Variants in PARN observed in about 807,000 individuals in gnomAD.
PARN encodes poly(A)-specific ribonuclease, also known as poly(A)-specific ribonuclease PARN.
A neutral mutation model predicts 102.8 loss-of-function variants in PARN; 71 were observed. The observed-to-expected ratio is 0.69, with a 90% CI of 0.57 to 0.84. The LOEUF is 0.84. Ranked by LOEUF, PARN falls within the 40% of genes least tolerant of loss-of-function variation. PARN has a pLI of 0.00. For synonymous variants in PARN, 261 were observed against 252.9 expected, an observed-to-expected ratio of 1.03 and a Z score of -0.30; for missense variants, 782 against 760.9, an observed-to-expected ratio of 1.03 and a Z score of -0.33.
At chr16:14,527,830 A>C (rs1446652712) in intron 21 of PARN, among the ~76,000 whole-genome samples, 1 of 152,244 alleles carries the variant, frequency 6.6e-6, no homozygotes, top group Non-Finnish European at 1.5e-5. Context: ...AAAAAGGACA[A>C]AAATTCAAAA....
At chr16:14,563,981 C>A (rs565460790) in intron 18 of PARN, among the ~76,000 whole-genome samples, 1 of 152,122 alleles carries the variant, frequency 6.6e-6, no homozygotes, top group African/African-American at 2.4e-5. Flanking sequence ...AGTTATCGGT[C>A]CCCCTGTACT....
chr16:14,629,708 T>G, intron 1 of PARN, 34 bp from the exon 2 acceptor site: 1 of 1,488,678 alleles, frequency 6.7e-7, no homozygotes, highest in Non-Finnish European at 9.4e-7. Context: ...TCAGAACCAG[T>G]GGCCTGAATT....
chr16:14,598,283 G>A (rs1970650035), intron 12 of PARN, among the ~76,000 whole-genome samples: 1 of 152,120 alleles, frequency 6.6e-6, no homozygotes, highest in Non-Finnish European at 1.5e-5. Flanking sequence ...GCTTTGGGAT[G>A]TTGACTACCA....
chr16:14,574,886 T>C (rs1419439558), intron 18 of PARN, among the ~76,000 whole-genome samples: 1 of 152,072 alleles, frequency 6.6e-6, no homozygotes, highest in Non-Finnish European at 1.5e-5. Context: ...AAAAAATGGT[T>C]TCACAGGCCA....
In PARN at chr16:14,446,876, T is replaced by A. The variant is rs746541293; in HGVS notation, c.1864+12A>T. 7.5e-6 allele frequency: 12 copies of A among 1,604,532 alleles called. No individual in the cohort carries two copies. Among genetic ancestry groups the A allele is most frequent in the Non-Finnish European group, 9.4e-6 (11 of 1,174,264 alleles). On this transcript the variant is annotated intron_variant, in intron 23 of 23. Coordinates refer to ENST00000437198, the MANE Select transcript of PARN (RefSeq NM_002582.4). ...CCACGGCCCCAGAACTTCGGCAAGA[T>A]CCAATACAAACCTGCTGGAGAAAGC...
chr16:14,503,148 C>T (rs1208961742), intron 21 of PARN, among the ~76,000 whole-genome samples: 1 of 152,130 alleles, frequency 6.6e-6, no homozygotes, highest in African/African-American at 2.4e-5. Flanking sequence ...CACAGAGGCA[C>T]TGATACTAGC....
intron 22 of PARN, among the ~76,000 whole-genome samples, chr16:14,466,277 T>C (rs1205043622): frequency 6.6e-6 from 1 of 152,242 alleles, no homozygotes; most frequent in Non-Finnish European, 1.5e-5. Flanking sequence ...TTTTTTATTA[T>C]AAACTTTTTT....
chr16:14,474,540 A>C (rs1194924537), intron 22 of PARN, among the ~76,000 whole-genome samples: 1 of 152,202 alleles, frequency 6.6e-6, no homozygotes, highest in Non-Finnish European at 1.5e-5. Context: ...TGCACAATAT[A>C]AAAGCATTTG....
chr16:14,604,261 TCTTTTTCTTTTTTTTTGA>T (rs1389357490), intron 10 of PARN, 35 bp from the exon 11 acceptor site: 2 of 1,347,828 alleles, frequency 1.5e-6, no homozygotes, highest in Admixed American at 2.3e-5. Context: ...AATTTTCTTT[TCTTTTTCTTTTTTTTTGA>T]GACAGAGTTT....
chr16:14,584,839 A>C (rs2151754798), intron 14 of PARN, 48 bp from the exon 15 acceptor site: 1 of 1,052,004 alleles, frequency 9.5e-7, no homozygotes, highest in East Asian at 2.6e-5. Flanking sequence ...TCAATGTTTA[A>C]AATGTCTTTT....
chr16:14,512,960 C>T (rs1965275516), intron 21 of PARN, among the ~76,000 whole-genome samples: 1 of 152,126 alleles, frequency 6.6e-6, no homozygotes, highest in African/African-American at 2.4e-5. Context: ...CTCGCTCTGT[C>T]ACCCAAACTG....
chr16:14,585,994 T>G (rs550711958), intron 14 of PARN, among the ~76,000 whole-genome samples: 123 of 150,334 alleles, frequency 8.2e-4, no homozygotes, highest in African/African-American at 2.7e-3. Context: ...TTTTTTTTTT[T>G]TTTTTTGAGA....
intron 22 of PARN, among the ~76,000 whole-genome samples, chr16:14,480,556 T>G (rs1963320889): frequency 6.6e-6 from 1 of 152,114 alleles, no homozygotes; most frequent in African/African-American, 2.4e-5. Context: ...AACAAGAACA[T>G]TAAATGGTCG....
At chr16:14,513,635 G>A (rs1965313438) in intron 21 of PARN, among the ~76,000 whole-genome samples, 1 of 152,128 alleles carries the variant, frequency 6.6e-6, no homozygotes, top group Non-Finnish European at 1.5e-5. Flanking sequence ...ATACTGCTTG[G>A]CACTGGCCTT....
chr16:14,448,953 G>A (rs1335993356), intron 22 of PARN, among the ~76,000 whole-genome samples: 1 of 152,174 alleles, frequency 6.6e-6, no homozygotes, highest in African/African-American at 2.4e-5. Context: ...GAAGTTTCCT[G>A]TTTAAAAACT....
chr16:14,540,098 T>C (rs1966784372), intron 21 of PARN, among the ~76,000 whole-genome samples: 1 of 152,156 alleles, frequency 6.6e-6, no homozygotes. Flanking sequence ...CCCCCATGGA[T>C]ACCAAGGGAC....
At position 14,587,295 on chromosome 16, in the gene PARN, A is replaced by G. The variant is rs117821283; in HGVS notation, c.919-934T>C. ...ATGTTTGTAATCTCTCAATACCACT[A>G]GAAAGCTTTACAAGCAAGGAACAAG... On this transcript the variant is annotated intron_variant, in intron 13 of 23. Coordinates refer to ENST00000437198, the MANE Select transcript of PARN (RefSeq NM_002582.4). 6.0e-3 allele frequency among the ~76,000 whole-genome samples: 919 copies of G among 152,344 alleles called. 5 individuals carry two copies. Among genetic ancestry groups the G allele is most frequent in the Non-Finnish European group, 0.01 (690 of 68,028 alleles).
chr16:14,594,139 G>A (rs1358303344), intron 12 of PARN, among the ~76,000 whole-genome samples: 1 of 152,070 alleles, frequency 6.6e-6, no homozygotes, highest in African/African-American at 2.4e-5. Context: ...AATGCTAAAA[G>A]GTAAAAATAA....
chr16:14,485,867 TCA>T (rs1963653515), intron 21 of PARN, among the ~76,000 whole-genome samples: 1 of 152,162 alleles, frequency 6.6e-6, no homozygotes, highest in African/African-American at 2.4e-5. Flanking sequence ...TTTGTAATTT[TCA>T]CAGAGACAGG....
Sources: allele counts gnomAD v4.1 joint callset (sites outside exome capture counted in the v4.1 genomes callset), GRCh38; gene constraint gnomAD v4.1.1; transcripts MANE v1.5; gene names NCBI Gene and HGNC (gene_info 2026-07-23, HGNC 2026-07-21).